ARHGEF17: variants seen among roughly 807,000 people sequenced by gnomAD.
ARHGEF17 encodes Rho guanine nucleotide exchange factor 17.
ARHGEF17 carries 80 observed loss-of-function variants against 174.0 expected under a neutral mutation model. The observed-to-expected ratio is 0.46, with a 90% CI of 0.38 to 0.55. ARHGEF17 has a LOEUF of 0.55. ARHGEF17 is among the 20% of genes least tolerant of loss of function. The probability of loss-of-function intolerance (pLI) is 0.00; values close to 1 mark genes in which losing one functional copy is unlikely to be tolerated. For synonymous variants in ARHGEF17, 1,311 were observed against 1,189.1 expected (o/e 1.10, Z -2.11); for missense variants, 2,886 against 2,839.7 (o/e 1.02, Z -0.37).
At chr11:73,367,475 G>A (rs1865859248) in intron 20 of ARHGEF17, 109 bp from the exon 21 acceptor site, 2 of 922,618 alleles carry the variant, frequency 2.2e-6, no homozygotes, top group Non-Finnish European at 3.3e-6. Context: ...CCCATAGGAA[G>A]TGTGCACATC....
intron 9 of ARHGEF17, among the ~76,000 whole-genome samples, chr11:73,357,855 T>C (rs1865671898): frequency 6.6e-6 from 1 of 152,228 alleles, no homozygotes; most frequent in South Asian, 2.1e-4. Context: ...TTCTCACTGC[T>C]GTTAGCTTTC....
rs142775439 is a variant in ARHGEF17 at position 73,362,576 on chromosome 11, C to T, written c.4838C>T (p.Ala1613Val). 2.9e-5 allele frequency: 46 copies of T among 1,609,956 alleles called. No homozygotes were observed. The highest frequency in any genetic ancestry group is 3.7e-5 in the Non-Finnish European group (44 of 1,179,810). ...GPQPCLHISI[A>V]GSGLEMTPGL... Reference sequence around the variant, plus strand: ...CAGCCCTGCCTTCACATCTCCATTGCAGGCTCGGGCTTGGAGATGACGCCG... The same window carrying T: ...CAGCCCTGCCTTCACATCTCCATTGTAGGCTCGGGCTTGGAGATGACGCCG... Residue 1613 changes from alanine to valine, a missense_variant, in exon 14 of 21, where the codon GCA (alanine) becomes GTA (valine). Physicochemically the swap from Ala to Val is moderately conservative, Grantham distance 64 (BLOSUM62 0). Coordinates refer to ENST00000263674, the MANE Select transcript of ARHGEF17 (RefSeq NM_014786.4).
rs1865790393 is a variant in ARHGEF17, at chr11:73,363,806, A to G, written c.5306A>G (p.Gln1769Arg). ...GACCGCAGGAACAGCATGAAGCTCC[A>G]GCATGCGGCCTCTGTGACCTGCATC... Reference protein sequence around the residue: ...IRDRRNSMKLQHAASVTCILY... With the variant: ...IRDRRNSMKLRHAASVTCILY... The change falls in exon 16 of 21, where the codon CAG becomes CGG. Residue 1769 changes from glutamine to arginine, a missense_variant. Around this residue, in one of 4 missense-constraint regions of ARHGEF17, gnomAD observed 329 missense variants for 435.2 expected, o/e 0.76. Coordinates refer to ENST00000263674, the MANE Select transcript of ARHGEF17 (RefSeq NM_014786.4). 6.2e-7 allele frequency: 1 copy of G among 1,614,040 alleles called. No homozygotes were observed. The highest frequency in any genetic ancestry group is 2.2e-5 in the East Asian group (1 of 44,884).
At chr11:73,338,035 C>G (rs1865313426) in intron 1 of ARHGEF17, among the ~76,000 whole-genome samples, 2 of 152,206 alleles carry the variant, frequency 1.3e-5, no homozygotes, top group Admixed American at 6.5e-5. Flanking sequence ...GCAGCCAGTC[C>G]CCAGGGAGCC....
At chr11:73,364,278 C>T (rs1565210985) in intron 17 of ARHGEF17, 39 bp downstream of exon 17, 2 of 1,610,804 alleles carry the variant, frequency 1.2e-6, no homozygotes, top group South Asian at 1.1e-5. Context: ...CCCCTGTCCC[C>T]TTACTGGTGT....
intron 1 of ARHGEF17, 46 bp from the exon 2 acceptor site, chr11:73,346,837 T>G (rs1865469080): frequency 7.1e-7 from 1 of 1,401,226 alleles, no homozygotes. Context: ...TGATGGGGTC[T>G]GGGGGGAAAA....
Position 73,310,243 on chromosome 11 carries a change from G to A in ARHGEF17, c.1605G>A (p.Lys535=), listed in dbSNP as rs750276504. The A allele has an allele frequency of 8.7e-6, 14 of 1,613,924 alleles. No homozygotes were observed. The highest frequency in any genetic ancestry group is 5.0e-5 in the Admixed American group (3 of 60,006). The change falls in exon 1 of 21, where the codon AAG becomes AAA. Residue 535 remains lysine, a synonymous_variant. Coordinates refer to ENST00000263674, the MANE Select transcript of ARHGEF17 (RefSeq NM_014786.4). Reference sequence around the variant, plus strand: ...CACCTGGCACGCGCCCCACACTCAAGGACTTGACAGCCACTCTGCGGAGAG... The same window carrying A: ...CACCTGGCACGCGCCCCACACTCAAAGACTTGACAGCCACTCTGCGGAGAG... The part of the protein sequence containing the change: ...PASPGTRPTL[K]DLTATLRRAK...
At chr11:73,364,051 A>C (rs1282002977) in intron 16 of ARHGEF17, 121 bp from the exon 17 acceptor site, 1 of 1,139,892 alleles carries the variant, frequency 8.8e-7, no homozygotes, top group African/African-American at 1.5e-5. Context: ...CCTGGAGAAC[A>C]AGGGGTGGGA....
rs373763702 is a variant in ARHGEF17, at chr11:73,311,135, C to T, written c.2497C>T (p.Arg833Cys). ...PKKKSLSDPS[R>C]RGELAGPGFE... ...GAAGAAATCCCTGAGTGACCCCAGCCGCCGTGGGGAGCTGGCTGGGCCTGG... is the reference window on the plus strand; with the variant it reads ...GAAGAAATCCCTGAGTGACCCCAGCTGCCGTGGGGAGCTGGCTGGGCCTGG... Residue 833 changes from arginine to cysteine, a missense_variant, in exon 1 of 21, where the codon CGC (arginine) becomes TGC (cysteine). By Grantham distance (180) the Arg-to-Cys change is radical. Around this residue, in one of 4 missense-constraint regions of ARHGEF17, gnomAD observed 1,728 missense variants for 1,461.2 expected, o/e 1.18. Transcript: ENST00000263674. 32 of 1,598,866 alleles carry T rather than the reference C, an allele frequency of 2.0e-5. No individual in the cohort carries two copies. The highest frequency in any genetic ancestry group is 3.3e-5 in the South Asian group (3 of 89,856).
In ARHGEF17 at chr11:73,332,350, C is replaced by CGTGTGTGTGTGT. The variant is rs58725771; in HGVS notation, c.3193-14486_3193-14475dup. On this transcript the variant is annotated intron_variant, in intron 1 of 20. Transcript: ENST00000263674. ...TATATTTCCCTCCAGGCTTTTTCTC[C>CGTGTGTGTGTGT]GTGTGTGTGTGTGTGTGTGTGTGTG... Among the ~76,000 whole-genome samples the CGTGTGTGTGTGT allele has an allele frequency of 1.2e-3, 147 of 120,740 alleles. 1 individual carries two copies. The highest frequency in any genetic ancestry group is 8.7e-3 in the Middle Eastern group (2 of 230). The allele number at this position is 120,740 out of a possible 152,430, so 79.2% of individuals were successfully genotyped here.
chr11:73,338,679 A>G (rs1315323605), intron 1 of ARHGEF17, among the ~76,000 whole-genome samples: 1 of 152,002 alleles, frequency 6.6e-6, no homozygotes, highest in Non-Finnish European at 1.5e-5. Context: ...CCACCACACC[A>G]GGGAGGTGGG....
Position 73,362,177 on chromosome 11 carries a change from C to G in ARHGEF17, c.4632C>G (p.Ala1544=). 6.3e-7 allele frequency: 1 copy of G among 1,589,142 alleles called. No homozygotes were observed. Among genetic ancestry groups the G allele is most frequent in the Non-Finnish European group, 8.5e-7 (1 of 1,171,018 alleles). Residue 1544 remains alanine, a synonymous_variant, in exon 13 of 21, where the codon GCC becomes GCG. Coordinates refer to ENST00000263674, the MANE Select transcript of ARHGEF17 (RefSeq NM_014786.4). ...RAEPDVEACI[A]VCSARILCIG... ...AGCCGGACGTGGAGGCCTGCATCGC[C>G]GTCTGTTCCGCCCGCATCCTCTGCA...
Position 73,308,693 on chromosome 11 carries a change from C to A in ARHGEF17, c.55C>A (p.Leu19Met). The change falls in exon 1 of 21, where the codon CTG (leucine) becomes ATG (methionine). Residue 19 changes from leucine (L) to methionine (M), a missense_variant. Physicochemically the swap from Leu to Met is conservative, Grantham distance 15 (BLOSUM62 2). Transcript: ENST00000263674. The stretch of plus-strand genomic sequence containing the variant: ...TTACCGCAGCGTCTCGTTCAAGCTG[C>A]TGGAGCGCTGGAGCGGCGGCCCCGG... ...QLYRSVSFKL[L>M]ERWSGGPGLR... 6.6e-7 allele frequency: 1 copy of A among 1,517,642 alleles called. No individual in the cohort carries two copies. Among genetic ancestry groups the A allele is most frequent in the East Asian group, 2.8e-5 (1 of 35,610 alleles). 94.0% of individuals were successfully genotyped at this position (1,517,642 alleles called of 1,614,324 possible). A position where few individuals can be genotyped will look rare whatever the true frequency, so the allele number is the denominator to read the frequency against.
intron 9 of ARHGEF17, among the ~76,000 whole-genome samples, 163 bp downstream of exon 9, chr11:73,357,490 G>A (rs1169093087): frequency 6.6e-6 from 1 of 152,214 alleles, no homozygotes; most frequent in Non-Finnish European, 1.5e-5. Flanking sequence ...GGACCCATTT[G>A]GCACCCATGG....
intron 12 of ARHGEF17, 49 bp downstream of exon 12, chr11:73,361,210 G>T: frequency 6.4e-7 from 1 of 1,570,440 alleles, no homozygotes; most frequent in South Asian, 1.1e-5. Context: ...AAGCCAGCAG[G>T]TGTTCATGAA....
At chr11:73,334,627 C>T (rs983652338) in intron 1 of ARHGEF17, among the ~76,000 whole-genome samples, 19 of 152,194 alleles carry the variant, frequency 1.2e-4, no homozygotes, top group African/African-American at 4.6e-4. Context: ...TCCTTCCTGC[C>T]TCAGCTCCTT....
rs767469770 is a variant in ARHGEF17, at chr11:73,367,961, A to G, written c.*181A>G. 79 of 651,718 alleles carry G rather than the reference A, an allele frequency of 1.2e-4. No individual in the cohort carries two copies. The highest frequency in any genetic ancestry group is 4.3e-4 in the Middle Eastern group (1 of 2,330). The allele number at this position is 651,718 out of a possible 1,614,324, so 40.4% of individuals were successfully genotyped here. On this transcript the variant is annotated 3_prime_UTR_variant, in exon 21 of 21. Transcript: ENST00000263674. Reference sequence around the variant, plus strand: ...GGAACACCCACTGGCCAGCCAGGCCATGGCTTCTCCCGACCCTCTGGCTGC... The same window carrying G: ...GGAACACCCACTGGCCAGCCAGGCCGTGGCTTCTCCCGACCCTCTGGCTGC...
In ARHGEF17 at chr11:73,311,417, G is replaced by C; in HGVS notation, c.2779G>C (p.Ala927Pro). 1 of 1,613,336 alleles carries C rather than the reference G, an allele frequency of 6.2e-7. No homozygotes were observed. Among genetic ancestry groups the C allele is most frequent in the Non-Finnish European group, 8.5e-7 (1 of 1,180,040 alleles). The stretch of plus-strand genomic sequence containing the variant: ...CCGCCGAGGCTCCAAGAAGCGCCCA[G>C]CTCGGAGTAGTCACCAGGAGCTTCG... ...LIRRGSKKRP[A>P]RSSHQELRRD... The change falls in exon 1 of 21, where the codon GCT (alanine) becomes CCT (proline). Residue 927 changes from alanine (A) to proline (P), a missense_variant. This residue lies in a region of ARHGEF17 where 1,728 missense variants were observed against 1,461.2 expected (regional missense o/e 1.18). Transcript: ENST00000263674.
At position 73,363,216 on chromosome 11, in the gene ARHGEF17, C is replaced by T; in HGVS notation, c.5007C>T (p.Thr1669=). The T allele has an allele frequency of 6.4e-6, 10 of 1,567,908 alleles. No individual in the cohort carries two copies. Among genetic ancestry groups the T allele is most frequent in the East Asian group, 2.3e-5 (1 of 44,196 alleles). Reference sequence around the variant, plus strand: ...CTTTGTCTCCCTCAGATGAGGAGACCCCGAGTTCCAAGGAGGCCACGGCAG... The same window carrying T: ...CTTTGTCTCCCTCAGATGAGGAGACTCCGAGTTCCAAGGAGGCCACGGCAG... ...TISSSFGNEE[T]PSSKEATAET... is the part of the protein sequence containing the mutation. Residue 1669 remains threonine, a synonymous_variant, in exon 15 of 21, where the codon ACC becomes ACT. Coordinates refer to ENST00000263674, the MANE Select transcript of ARHGEF17 (RefSeq NM_014786.4).
Sources: allele counts gnomAD v4.1 joint callset (sites outside exome capture counted in the v4.1 genomes callset), GRCh38; gene constraint gnomAD v4.1.1; regional missense constraint gnomAD v4.1.1; transcripts MANE v1.5; gene names NCBI Gene and HGNC (gene_info 2026-07-23, HGNC 2026-07-21).